The following RASA4 variants were observed in gnomAD, a reference collection of about 807,000 sequenced individuals.
RASA4 encodes RAS p21 protein activator 4.
RASA4 carries 5 observed loss-of-function variants against 24.0 expected under a neutral mutation model. The ratio of observed to expected loss-of-function variants is 0.21; its 90% CI spans 0.11 to 0.44. The LOEUF is 0.44. RASA4 is among the 20% of genes least tolerant of loss of function. RASA4 has a pLI of 0.99. For synonymous variants in RASA4, 9 were observed against 132.7 expected (o/e 0.07, Z 6.41); for missense variants, 38 against 293.0 (o/e 0.13, Z 6.35).
chr7:102,590,738 C>T (rs1324172210), intron 16 of RASA4, among the ~76,000 whole-genome samples: 2 of 145,556 alleles, frequency 1.4e-5, no homozygotes, highest in Non-Finnish European at 1.5e-5. Flanking sequence ...GTTGGGAGTT[C>T]GAGACCAGCC....
intron 16 of RASA4, among the ~76,000 whole-genome samples, chr7:102,590,982 A>T (rs1789968179): frequency 6.8e-6 from 1 of 146,420 alleles, no homozygotes; most frequent in African/African-American, 2.6e-5. Context: ...AATAATGCCC[A>T]TGTAGTCAAA....
chr7:102,591,258 A>G (rs1789985526), intron 16 of RASA4, among the ~76,000 whole-genome samples: 1 of 65,874 alleles, frequency 1.5e-5, no homozygotes, highest in South Asian at 4.7e-4. Flanking sequence ...CCACTGCACT[A>G]CAGCCTGGGT....
At chr7:102,597,757 G>A (rs1402396326) in intron 8 of RASA4, among the ~76,000 whole-genome samples, 10 of 132,516 alleles carry the variant, frequency 7.5e-5, no homozygotes, top group African/African-American at 1.8e-4. Flanking sequence ...TCTTGTCACC[G>A]AGGCTGGAGT....
chr7:102,605,646 G>A (rs1407324106), intron 5 of RASA4, among the ~76,000 whole-genome samples: 2 of 152,040 alleles, frequency 1.3e-5, no homozygotes, highest in Admixed American at 6.5e-5. Flanking sequence ...CTGGCCTCAG[G>A]TGAACCACCT....
intron 6 of RASA4, among the ~76,000 whole-genome samples, chr7:102,601,920 C>CA (rs1232541998): frequency 3.3e-4 from 2 of 5,982 alleles, no homozygotes; most frequent in African/African-American, 3.6e-4. Context: ...GACTTGGCCT[C>CA]AAAAAAAAAA....
intron 5 of RASA4, among the ~76,000 whole-genome samples, chr7:102,602,938 C>T (rs1192456643): frequency 4.6e-5 from 7 of 150,634 alleles, no homozygotes; most frequent in African/African-American, 1.5e-4. Context: ...CTTTACACAG[C>T]CCTAGTCTAG....
chr7:102,603,734 G>A (rs1223885586), intron 5 of RASA4, among the ~76,000 whole-genome samples: 1 of 152,254 alleles, frequency 6.6e-6, no homozygotes, highest in African/African-American at 2.4e-5. Context: ...ACTTTGGGAA[G>A]GAGGCTGAGG....
chr7:102,590,872 G>T (rs1453005179), intron 16 of RASA4, among the ~76,000 whole-genome samples: 1 of 142,356 alleles, frequency 7.0e-6, no homozygotes, highest in Non-Finnish European at 1.5e-5. Context: ...CCCGGGAGGC[G>T]GAGGTTGCGG....
At chr7:102,591,919 T>C (rs1248015344) in intron 16 of RASA4, among the ~76,000 whole-genome samples, 1 of 152,202 alleles carries the variant, frequency 6.6e-6, no homozygotes, top group Non-Finnish European at 1.5e-5. Context: ...CTGCAACTTC[T>C]GCCTCCCAGG....
chr7:102,590,652 A>C (rs2133441660), intron 16 of RASA4, among the ~76,000 whole-genome samples: 1 of 140,178 alleles, frequency 7.1e-6, no homozygotes, highest in East Asian at 2.1e-4. Flanking sequence ...TCTAATAGTC[A>C]TATCCTGACC....
intron 16 of RASA4, among the ~76,000 whole-genome samples, chr7:102,590,855 G>A (rs1254659276): frequency 2.1e-5 from 3 of 141,056 alleles, no homozygotes; most frequent in Non-Finnish European, 3.1e-5. Flanking sequence ...CAGGAGAATC[G>A]CTTGAACCCG....
intron 16 of RASA4, among the ~76,000 whole-genome samples, chr7:102,591,903 G>A (rs1236700015): frequency 2.0e-5 from 3 of 152,298 alleles, no homozygotes; most frequent in Admixed American, 1.3e-4. Context: ...GCACGATCTC[G>A]GCTCACTGCA....
intron 18 of RASA4, among the ~76,000 whole-genome samples, chr7:102,585,837 G>GTT (rs1186366280): frequency 7.2e-6 from 1 of 138,622 alleles, no homozygotes; most frequent in East Asian, 2.1e-4. Flanking sequence ...TTTCTTTTCT[G>GTT]TTTTTTTTTT....
intron 1 of RASA4, among the ~76,000 whole-genome samples, chr7:102,614,098 T>C: frequency 6.8e-6 from 1 of 148,092 alleles, no homozygotes. Context: ...AAGCCCTGGC[T>C]GGAGGAGATG....
At chr7:102,608,276 T>TTTAAA (rs372805684) in intron 4 of RASA4, among the ~76,000 whole-genome samples, 3 of 63,496 alleles carry the variant, frequency 4.7e-5, no homozygotes, top group African/African-American at 1.3e-4. Flanking sequence ...GCCTTTTTTT[T>TTTAAA]AAAAAAAAAC....
chr7:102,591,908 A>G (rs1790015901), intron 16 of RASA4, among the ~76,000 whole-genome samples: 1 of 152,224 alleles, frequency 6.6e-6, no homozygotes, highest in African/African-American at 2.4e-5. Context: ...ATCTCGGCTC[A>G]CTGCAACTTC....
intron 5 of RASA4, among the ~76,000 whole-genome samples, chr7:102,603,181 G>C (rs1313301520): frequency 1.4e-5 from 2 of 139,376 alleles, no homozygotes; most frequent in African/African-American, 5.3e-5. Flanking sequence ...GGCTGCCGTC[G>C]AACTCCTGAC....
chr7:102,585,842 TTTTTTTG>T (rs1334197293), intron 18 of RASA4, among the ~76,000 whole-genome samples: 8 of 136,282 alleles, frequency 5.9e-5, no homozygotes, highest in South Asian at 2.8e-4. Context: ...TTTCTGTTTT[TTTTTTTG>T]TTTTTTTGTT....
At chr7:102,605,063 C>A (rs1463233393) in intron 5 of RASA4, among the ~76,000 whole-genome samples, 1 of 134,124 alleles carries the variant, frequency 7.5e-6, no homozygotes, top group East Asian at 2.2e-4. Context: ...ATGGAACCAT[C>A]CAAACCACTG....
Sources: gnomAD v4.1 joint callset for allele counts (sites outside exome capture counted in the v4.1 genomes callset) on GRCh38, gnomAD v4.1.1 for gene constraint, MANE v1.5 for transcripts, NCBI Gene and HGNC (gene_info 2026-07-23, HGNC 2026-07-21) for gene names.